PPP4R4: variants seen among roughly 807,000 people sequenced by gnomAD.
The protein encoded by PPP4R4 is serine/threonine-protein phosphatase 4 regulatory subunit 4.
A neutral mutation model predicts 121.8 loss-of-function variants in PPP4R4; 70 were observed. That is an observed-to-expected ratio of 0.57 (90% CI 0.47 to 0.70). The LOEUF (loss-of-function observed/expected upper bound fraction) is 0.70. PPP4R4 is among the 30% of genes least tolerant of loss of function. The pLI, the probability that PPP4R4 is intolerant of heterozygous loss-of-function variation, is 0.00. For missense variants in PPP4R4, 875 were observed against 1,033.6 expected (o/e 0.85, Z 2.10); for synonymous variants, 348 against 355.7 (o/e 0.98, Z 0.24).
At chr14:94,202,850 G>T (rs1361337950) in intron 2 of PPP4R4, among the ~76,000 whole-genome samples, 2 of 152,014 alleles carry the variant, frequency 1.3e-5, no homozygotes, top group Non-Finnish European at 2.9e-5. Flanking sequence ...GGGCGTGGTG[G>T]CACGTGCCTG....
intron 3 of PPP4R4, among the ~76,000 whole-genome samples, chr14:94,216,206 C>T (rs562342828): frequency 6.6e-6 from 1 of 152,308 alleles, no homozygotes; most frequent in Admixed American, 6.5e-5. Flanking sequence ...AAGAGAACAT[C>T]ACTCTTATTC....
rs28556864 is a variant in PPP4R4, at chr14:94,239,810, G to A, written c.854-863G>A. 2.0e-3 allele frequency among the ~76,000 whole-genome samples: 302 copies of A among 152,134 alleles called. 1 individual carries two copies. The highest frequency in any genetic ancestry group is 6.9e-3 in the African/African-American group (287 of 41,492). On this transcript the variant is annotated intron_variant, in intron 8 of 24. Transcript: ENST00000304338. ...CATTGTCTTATATTTTTTGTGTTTGGCTTTTTTGCTGGTTTACATTTCTCA... is the reference window on the plus strand; with the variant it reads ...CATTGTCTTATATTTTTTGTGTTTGACTTTTTTGCTGGTTTACATTTCTCA...
chr14:94,234,674 G>T lies in PPP4R4; in HGVS notation c.731+5G>T, dbSNP rs1336999169. On this transcript the variant is annotated splice_donor_5th_base_variant and intron_variant, in intron 7 of 24. Coordinates refer to ENST00000304338, the MANE Select transcript of PPP4R4 (RefSeq NM_058237.2). ...AAATATAGCCCAGGGCATTGGGTAG[G>T]TATACTTTGAATTCCTTATGCCATT... 5.8e-6 allele frequency: 9 copies of T among 1,551,014 alleles called. No individual in the cohort carries two copies. The highest frequency in any genetic ancestry group is 7.1e-6 in the Non-Finnish European group (8 of 1,123,870).
Position 94,206,933 on chromosome 14 carries a change from C to G in PPP4R4, c.192-1531C>G, listed in dbSNP as rs560716433. On this transcript the variant is annotated intron_variant, in intron 2 of 24. Coordinates refer to ENST00000304338, the MANE Select transcript of PPP4R4 (RefSeq NM_058237.2). ...GCAGGGATCTAGAGGAGAATCCATTCTTGCCTATTCCAACTTTTGGTGGTT... is the reference window on the plus strand; with the variant it reads ...GCAGGGATCTAGAGGAGAATCCATTGTTGCCTATTCCAACTTTTGGTGGTT... Among the ~76,000 whole-genome samples, 155 of 152,148 alleles carry G rather than the reference C, an allele frequency of 1.0e-3. 1 individual carries two copies. The highest frequency in any genetic ancestry group is 3.5e-3 in the African/African-American group (145 of 41,550).
chr14:94,256,500 C>T lies in PPP4R4; in HGVS notation c.1906C>T (p.Leu636=). 1 of 1,603,048 alleles carries T rather than the reference C, an allele frequency of 6.2e-7. No homozygotes were observed. Among genetic ancestry groups the T allele is most frequent in the Admixed American group, 1.7e-5 (1 of 59,762 alleles). Residue 636 remains leucine, a synonymous_variant, in exon 17 of 25, where the codon CTG becomes TTG. Transcript: ENST00000304338. ...CYLLPKVKST[L]KIPADKHLLQ... The stretch of plus-strand genomic sequence containing the variant: ...CCTGTTGCCCAAAGTGAAATCTACT[C>T]TGAAGATTCCTGCTGATAAGCATCT...
At chr14:94,222,256 T>G (rs1162791982) in intron 3 of PPP4R4, among the ~76,000 whole-genome samples, 2 of 152,026 alleles carry the variant, frequency 1.3e-5, no homozygotes, top group Admixed American at 1.3e-4. Context: ...TTGAATTGAT[T>G]AAGTAGTTTT....
At chr14:94,240,359 T>C (rs541750128) in intron 8 of PPP4R4, among the ~76,000 whole-genome samples, 1 of 152,344 alleles carries the variant, frequency 6.6e-6, no homozygotes, top group East Asian at 1.9e-4. Context: ...GTTAGAATTC[T>C]TTTAGTTATT....
chr14:94,278,509 C>T (rs1249167242), intron 24 of PPP4R4, 110 bp from the exon 25 acceptor site: 3 of 561,320 alleles, frequency 5.3e-6, no homozygotes, highest in South Asian at 3.2e-5. Flanking sequence ...TTTTAATTTA[C>T]TTTGTACACA....
intron 3 of PPP4R4, among the ~76,000 whole-genome samples, chr14:94,209,563 G>T (rs112859058): frequency 3.0e-4 from 45 of 152,076 alleles, no homozygotes; most frequent in Non-Finnish European, 5.6e-4. Context: ...TATTTATTTT[G>T]GCATTGCATG....
chr14:94,181,179 T>C (rs1165678761), intron 2 of PPP4R4, among the ~76,000 whole-genome samples: 1 of 152,136 alleles, frequency 6.6e-6, no homozygotes, highest in Non-Finnish European at 1.5e-5. Context: ...CTGTTTTTGA[T>C]GCTTGCTTCC....
intron 2 of PPP4R4, among the ~76,000 whole-genome samples, chr14:94,190,800 A>G (rs1034818213): frequency 6.6e-6 from 1 of 151,892 alleles, no homozygotes; most frequent in Non-Finnish European, 1.5e-5. Context: ...GCTATAGCTC[A>G]TATATTTAGG....
At chr14:94,224,642 G>A (rs1245944572) in intron 3 of PPP4R4, among the ~76,000 whole-genome samples, 15 of 152,152 alleles carry the variant, frequency 9.9e-5, no homozygotes, top group Non-Finnish European at 2.9e-5. Context: ...AGGCCCAGGT[G>A]TTACAGGAAA....
chr14:94,245,799 C>G, intron 13 of PPP4R4, 129 bp downstream of exon 13: 1 of 526,406 alleles, frequency 1.9e-6, no homozygotes, highest in Non-Finnish European at 3.3e-6. Context: ...AGCAGGTGGT[C>G]AGTAAAAGCC....
At chr14:94,213,623 C>T (rs1421095958) in intron 3 of PPP4R4, among the ~76,000 whole-genome samples, 3 of 151,970 alleles carry the variant, frequency 2.0e-5, no homozygotes, top group East Asian at 1.9e-4. Flanking sequence ...AGAAGGCAGA[C>T]GAGAGTTGAC....
At chr14:94,265,112 A>C (rs1349563511) in intron 20 of PPP4R4, among the ~76,000 whole-genome samples, 165 bp downstream of exon 20, 1 of 152,210 alleles carries the variant, frequency 6.6e-6, no homozygotes, top group Admixed American at 6.5e-5. Flanking sequence ...TGTGGTACAG[A>C]TGTTAAGAGT....
At chr14:94,189,925 A>C (rs1889501018) in intron 2 of PPP4R4, among the ~76,000 whole-genome samples, 1 of 152,208 alleles carries the variant, frequency 6.6e-6, no homozygotes, top group African/African-American at 2.4e-5. Flanking sequence ...GGCACCCAGC[A>C]GTTCCTGAAT....
chr14:94,237,510 T>C, intron 7 of PPP4R4, 55 bp from the exon 8 acceptor site: 1 of 1,529,844 alleles, frequency 6.5e-7, no homozygotes, highest in Non-Finnish European at 9.0e-7. Flanking sequence ...TTTTAGTAAG[T>C]TCCTGCTACA....
At chr14:94,198,201 C>A (rs892358189) in intron 2 of PPP4R4, among the ~76,000 whole-genome samples, 1 of 152,084 alleles carries the variant, frequency 6.6e-6, no homozygotes, top group South Asian at 2.1e-4. Context: ...ACATTTGGCA[C>A]GTTGAGTCCT....
At chr14:94,258,544 A>G (rs1431439024) in intron 17 of PPP4R4, among the ~76,000 whole-genome samples, 4 of 152,214 alleles carry the variant, frequency 2.6e-5, no homozygotes, top group Non-Finnish European at 4.4e-5. Flanking sequence ...ATATGCCTGT[A>G]GACTTGGTCT....
Sources: allele counts gnomAD v4.1 joint callset (sites outside exome capture counted in the v4.1 genomes callset), GRCh38; gene constraint gnomAD v4.1.1; transcripts MANE v1.5; gene names NCBI Gene and HGNC (gene_info 2026-07-23, HGNC 2026-07-21).